TUT4: variants seen among roughly 807,000 people sequenced by gnomAD.
TUT4 encodes the protein terminal uridylyl transferase 4.
Under a neutral mutation model 192.2 loss-of-function variants are expected in TUT4, and 36 were observed. The ratio of observed to expected loss-of-function variants is 0.19; its 90% CI spans 0.14 to 0.25. TUT4 has a LOEUF of 0.25. Ranked by LOEUF, TUT4 falls within the 10% of genes least tolerant of loss-of-function variation. The probability of loss-of-function intolerance (pLI) is 1.00; values close to 1 mark genes in which losing one functional copy is unlikely to be tolerated. For synonymous variants in TUT4, 618 were observed against 666.0 expected (o/e 0.93, Z 1.11); for missense variants, 1,493 against 1,957.2 (o/e 0.76, Z 4.47).
intron 1 of TUT4, among the ~76,000 whole-genome samples, chr1:52,527,469 C>T (rs555117484): frequency 4.0e-5 from 6 of 151,582 alleles, no homozygotes; most frequent in Non-Finnish European, 7.4e-5. Flanking sequence ...TTGCTTGAAC[C>T]GGGACCCAGG....
chr1:52,529,790 G>GAA (rs1682853053), intron 1 of TUT4: 1 of 152,056 alleles, frequency 6.6e-6, no homozygotes, highest in Non-Finnish European at 1.5e-5. Flanking sequence ...AATGTACCCG[G>GAA]AGAGTCCCAG....
At position 52,431,233 on chromosome 1, in the gene TUT4, G is replaced by A; in HGVS notation, c.4491C>T (p.His1497=). 1.2e-6 allele frequency: 2 copies of A among 1,614,212 alleles called. No homozygotes were observed. Among genetic ancestry groups the A allele is most frequent in the Non-Finnish European group, 1.7e-6 (2 of 1,180,042 alleles). The part of the protein sequence containing the change: ...PMHNMGLLPM[H]PLQIPAPSWP... ...AGGACGGGGCAGGGATCTGGAGAGG[G>A]TGCATTGGCAACAATCCCATATTGT... The change falls in exon 28 of 30, where the codon CAC becomes CAT. Residue 1497 remains histidine, a synonymous_variant. Transcript: ENST00000257177.
At chr1:52,483,794 C>T (rs367909348) in intron 9 of TUT4, among the ~76,000 whole-genome samples, 2 of 151,120 alleles carry the variant, frequency 1.3e-5, no homozygotes, top group African/African-American at 4.9e-5. Flanking sequence ...TGGGCAACAC[C>T]CCATCAAAAA....
At chr1:52,463,895 A>G (rs1432111095) in intron 16 of TUT4, 1 of 827,020 alleles carries the variant, frequency 1.2e-6, no homozygotes, top group Admixed American at 2.7e-5. Flanking sequence ...TTCAGAAAGC[A>G]GTGGTTAGGT....
chr1:52,430,168 C>A (rs988566127), intron 28 of TUT4, among the ~76,000 whole-genome samples: 1 of 151,744 alleles, frequency 6.6e-6, no homozygotes, highest in Non-Finnish European at 1.5e-5. Flanking sequence ...AACTATTTTT[C>A]TTTTTTAAAG....
At chr1:52,553,360 G>A (rs1338160726), upstream of TUT4, 1 of 152,002 alleles carries the variant, frequency 6.6e-6, no homozygotes, top group Non-Finnish European at 1.5e-5. Flanking sequence ...AAACAGCACT[G>A]GGGGGAGGGG....
intron 20 of TUT4, among the ~76,000 whole-genome samples, chr1:52,450,513 CAAT>C (rs1449346086): frequency 6.6e-6 from 1 of 151,820 alleles, no homozygotes; most frequent in Non-Finnish European, 1.5e-5. Flanking sequence ...TACATTTTTC[CAAT>C]AATAATAGCA....
chr1:52,520,305 A>G (rs1432025609), intron 2 of TUT4, among the ~76,000 whole-genome samples: 1 of 152,108 alleles, frequency 6.6e-6, no homozygotes, highest in East Asian at 1.9e-4. Context: ...CCACTGAAAC[A>G]CTCTAAATAC....
chr1:52,495,909 T>A (rs571806381), intron 5 of TUT4, among the ~76,000 whole-genome samples: 1 of 152,226 alleles, frequency 6.6e-6, no homozygotes, highest in South Asian at 2.1e-4. Flanking sequence ...GGGGAAAGGA[T>A]CATAAACATT....
At chr1:52,531,498 A>G (rs1186458597) in intron 1 of TUT4, among the ~76,000 whole-genome samples, 3 of 152,196 alleles carry the variant, frequency 2.0e-5, no homozygotes, top group Non-Finnish European at 2.9e-5. Context: ...CAAGTCTATG[A>G]GGTAAGAAAT....
At chr1:52,453,238 C>T (rs1045209639) in intron 20 of TUT4, among the ~76,000 whole-genome samples, 6 of 151,692 alleles carry the variant, frequency 4.0e-5, no homozygotes, top group Non-Finnish European at 7.4e-5. Context: ...AAAAATTAGC[C>T]GGGCATGGTG....
chr1:52,527,070 C>T (rs562778914), intron 1 of TUT4, among the ~76,000 whole-genome samples: 5 of 152,150 alleles, frequency 3.3e-5, no homozygotes, highest in Admixed American at 6.5e-5. Flanking sequence ...TAAATGAATC[C>T]GTTTATGGAA....
At position 52,515,863 on chromosome 1, in the gene TUT4, C is replaced by A. The variant is rs371843642; in HGVS notation, c.882+28G>T. On this transcript the variant is annotated intron_variant, in intron 3 of 29. Coordinates refer to ENST00000257177, the MANE Select transcript of TUT4 (RefSeq NM_001009881.3). ...AACAGTTATGAAACACACATTTCCC[C>A]CCAAATAACTAAAACAACATAGTAT... 1.3e-5 allele frequency: 21 copies of A among 1,613,344 alleles called. No homozygotes were observed. The East Asian group carries it at 4.5e-4, about 34-fold the overall frequency.
chr1:52,496,985 A>C, intron 5 of TUT4, 21 bp downstream of exon 5: 1 of 1,605,904 alleles, frequency 6.2e-7, no homozygotes, highest in Non-Finnish European at 8.5e-7. Context: ...TTTCAAAATC[A>C]AATATGAAAT....
At chr1:52,466,108 T>C (rs1664045768) in intron 15 of TUT4, among the ~76,000 whole-genome samples, 1 of 152,172 alleles carries the variant, frequency 6.6e-6, no homozygotes, top group Non-Finnish European at 1.5e-5. Context: ...CAAAACTTCA[T>C]ACCCCCATCC....
At chr1:52,459,456 G>A (rs1661923705) in intron 19 of TUT4, among the ~76,000 whole-genome samples, 1 of 152,094 alleles carries the variant, frequency 6.6e-6, no homozygotes, top group Non-Finnish European at 1.5e-5. Flanking sequence ...GGGCATGGTG[G>A]CACACGCCTG....
intron 2 of TUT4, among the ~76,000 whole-genome samples, 191 bp downstream of exon 2, chr1:52,525,372 T>C (rs1318420864): frequency 6.6e-6 from 1 of 152,198 alleles, no homozygotes; most frequent in Non-Finnish European, 1.5e-5. Context: ...AGGCTTTTTT[T>C]TTTTAGCTTC....
chr1:52,447,049 T>C (rs969595714), intron 20 of TUT4, among the ~76,000 whole-genome samples: 1 of 152,190 alleles, frequency 6.6e-6, no homozygotes, highest in Non-Finnish European at 1.5e-5. Context: ...TACCCACTGA[T>C]TGTGCACCCA....
chr1:52,448,312 G>A (rs187629478), intron 20 of TUT4, among the ~76,000 whole-genome samples: 135 of 152,266 alleles, frequency 8.9e-4, no homozygotes, highest in African/African-American at 3.1e-3. Context: ...CTGAGGCCGG[G>A]CGCAGTGGCT....
Sources: allele counts gnomAD v4.1 joint callset (sites outside exome capture counted in the v4.1 genomes callset), GRCh38; gene constraint gnomAD v4.1.1; transcripts MANE v1.5; gene names NCBI Gene and HGNC (gene_info 2026-07-23, HGNC 2026-07-21).